The following DDX54 variants were observed in gnomAD, a reference collection of about 807,000 sequenced individuals.
DDX54 encodes ATP-dependent RNA helicase DDX54.
DDX54 carries 67 observed loss-of-function variants against 105.5 expected under a neutral mutation model. The observed-to-expected ratio is 0.64, with a 90% CI of 0.52 to 0.78. DDX54 has a LOEUF of 0.78. Among genes scored for constraint, DDX54 ranks in the 30% least tolerant of loss-of-function variants. The pLI is 0.00. For synonymous variants in DDX54, 514 were observed against 509.9 expected (o/e 1.01, Z -0.11); for missense variants, 1,206 against 1,230.5 (o/e 0.98, Z 0.30).
chr12:113,165,884 G>A lies in DDX54; in HGVS notation c.1563C>T (p.Arg521=). Reference sequence around the variant, plus strand: ...ACTCAGGCGAGGGCGCCGGGCGTGAGCGCACATACTGCTGCTGGGCGTTAT... The same window carrying A: ...ACTCAGGCGAGGGCGCCGGGCGTGAACGCACATACTGCTGCTGGGCGTTAT... ...VADNAQQQYV[R]SRPAPSPESI... The change falls in exon 13 of 20, where the codon CGC becomes CGT. Residue 521 remains arginine (R), a synonymous_variant. Coordinates refer to ENST00000306014, the MANE Select transcript of DDX54 (RefSeq NM_024072.4). 1 of 1,613,750 alleles carries A rather than the reference G, an allele frequency of 6.2e-7. No individual in the cohort carries two copies. Among genetic ancestry groups the A allele is most frequent in the Non-Finnish European group, 8.5e-7 (1 of 1,180,026 alleles).
At chr12:113,179,050 G>A in intron 4 of DDX54, 24 bp from the exon 5 acceptor site, 1 of 1,613,986 alleles carries the variant, frequency 6.2e-7, no homozygotes, top group Non-Finnish European at 8.5e-7. Context: ...GTGATTGAGA[G>A]AGGGCAGGGG....
intron 12 of DDX54, among the ~76,000 whole-genome samples, chr12:113,168,549 AG>A (rs1952301568): frequency 6.6e-6 from 1 of 152,222 alleles, no homozygotes. Context: ...CTGCAGGTGG[AG>A]GCCCATAGTT....
Position 113,161,319 on chromosome 12 carries a change from A to G in DDX54, c.2364T>C (p.Ser788=), listed in dbSNP as rs1348138937. 6.2e-7 allele frequency: 1 copy of G among 1,613,572 alleles called. No individual in the cohort carries two copies. The highest frequency in any genetic ancestry group is 8.5e-7 in the Non-Finnish European group (1 of 1,179,748). Residue 788 remains serine (S), a synonymous_variant, in exon 19 of 20, where the codon TCT becomes TCC. Transcript: ENST00000306014. ...DDRDSDEEGA[S]DRRGPERRGG... ...CTCTTCGCTCTGGGCCTCGCCGGTC[A>G]GATGCCCCTTCTTCGTCCGAGTCAC...
In DDX54 at chr12:113,179,017, A is replaced by G; in HGVS notation, c.574T>C (p.Phe192Leu). 6.2e-7 allele frequency: 1 copy of G among 1,614,124 alleles called. No individual in the cohort carries two copies. ...TLKFTKELGK[F>L]TGLKTALILG... ...ATCAGGGCAGTCTTGAGGCCAGTGAACTTGCCTAGCTGAGAAGAGAAAGTG... is the reference window on the plus strand; with the variant it reads ...ATCAGGGCAGTCTTGAGGCCAGTGAGCTTGCCTAGCTGAGAAGAGAAAGTG... Residue 192 changes from phenylalanine (F) to leucine (L), a missense_variant, in exon 5 of 20, where the codon TTC becomes CTC. Phe to Leu is a conservative substitution (Grantham distance 22, BLOSUM62 0). This residue lies in a region of DDX54 where 961 missense variants were observed against 1,019.1 expected (regional missense o/e 0.94). Coordinates refer to ENST00000306014, the MANE Select transcript of DDX54 (RefSeq NM_024072.4).
rs767646587 is a variant in DDX54 at position 113,174,856 on chromosome 12, G to T, written c.936+19C>A. On this transcript the variant is annotated intron_variant, in intron 9 of 19. Transcript: ENST00000306014. ...CCACCTGGACACAACCTCCTGGGAT[G>T]GGACAGGTGCAGCCTCACCTTCAGC... The T allele has an allele frequency of 1.9e-6, 3 of 1,614,168 alleles. No individual in the cohort carries two copies. Among genetic ancestry groups the T allele is most frequent in the Non-Finnish European group, 2.5e-6 (3 of 1,180,042 alleles).
At chr12:113,167,958 C>T (rs1468026693) in intron 12 of DDX54, 1 of 508,928 alleles carries the variant, frequency 2.0e-6, no homozygotes. Context: ...ACCTCCCTCC[C>T]TTGGCCCTTG....
At position 113,159,089 on chromosome 12, in the gene DDX54, G is replaced by A. The variant is rs761089016; in HGVS notation, c.2434C>T (p.Pro812Ser). ...CGGACTCGGCCTGCAGGGGTGCCTG[G>A]GGCGTGGGGCCGGGATGCACCTGCT... is the stretch of plus-strand genomic sequence containing the variant. ...RGQGASRPHA[P>S]GTPAGRVRPE... Residue 812 changes from proline to serine, a missense_variant, in exon 20 of 20, where the codon CCA becomes TCA. Pro to Ser is a moderately conservative substitution (Grantham distance 74, BLOSUM62 -1). This residue lies in a region of DDX54 where 961 missense variants were observed against 1,019.1 expected (regional missense o/e 0.94). Transcript: ENST00000306014. The A allele has an allele frequency of 3.1e-6, 5 of 1,603,528 alleles. No homozygotes were observed. The highest frequency in any genetic ancestry group is 4.3e-6 in the Non-Finnish European group (5 of 1,176,214).
chr12:113,185,193 C>A, intron 1 of DDX54, 85 bp downstream of exon 1: 1 of 1,412,386 alleles, frequency 7.1e-7, no homozygotes, highest in Non-Finnish European at 9.2e-7. Context: ...GGAGCCCAAT[C>A]CCCAGCTGGG....
chr12:113,184,081 G>A (rs1371024676), intron 1 of DDX54, among the ~76,000 whole-genome samples: 1 of 152,108 alleles, frequency 6.6e-6, no homozygotes, highest in Admixed American at 6.5e-5. Flanking sequence ...CGAGTAGCTG[G>A]GATTACAGGC....
rs1465480878 is a variant in DDX54 at position 113,179,339 on chromosome 12, G to A, written c.376-8C>T. 1 of 1,611,254 alleles carries A rather than the reference G, an allele frequency of 6.2e-7. No individual in the cohort carries two copies. The highest frequency in any genetic ancestry group is 1.3e-5 in the African/African-American group (1 of 74,904). On this transcript the variant is annotated splice_polypyrimidine_tract_variant and splice_region_variant and intron_variant, in intron 3 of 19. Coordinates refer to ENST00000306014, the MANE Select transcript of DDX54 (RefSeq NM_024072.4). Reference sequence around the variant, plus strand: ...CAAGATCACCGGGATGGTCTGGAGAGGCACAAGCAGGGAAGTCAAGGTCAG... The same window carrying A: ...CAAGATCACCGGGATGGTCTGGAGAAGCACAAGCAGGGAAGTCAAGGTCAG...
At chr12:113,161,452 C>G (rs1952204825) in intron 18 of DDX54, 70 bp from the exon 19 acceptor site, 2 of 1,255,162 alleles carry the variant, frequency 1.6e-6, no homozygotes, top group African/African-American at 2.9e-5. Context: ...CACACTGCCC[C>G]AGCAGACAGA....
At chr12:113,183,046 C>CAG (rs75598453) in intron 1 of DDX54, among the ~76,000 whole-genome samples, 15,444 of 152,038 alleles carry the variant, frequency 0.1, 903 homozygotes, top group East Asian at 0.21. Flanking sequence ...TTTGTAGATG[C>CAG]AGTCTCGCCA....
chr12:113,173,088 C>T (rs923484989), intron 10 of DDX54, among the ~76,000 whole-genome samples: 109 of 152,270 alleles, frequency 7.2e-4, no homozygotes, highest in African/African-American at 2.6e-3. Context: ...CGCCTGTAAT[C>T]CAGCATTTCG....
chr12:113,163,169 T>G lies in DDX54; in HGVS notation c.2044A>C (p.Ile682Leu), dbSNP rs779257909. ...EARQRDQEFY[I>L]PYRPKDFDSE... is the part of the protein sequence containing the mutation. ...TCAAAGTCCTTGGGCCGGTAGGGGATGTAGAATTCCTGGTCCCGCTGCCGG... is the reference window on the plus strand; with the variant it reads ...TCAAAGTCCTTGGGCCGGTAGGGGAGGTAGAATTCCTGGTCCCGCTGCCGG... Residue 682 changes from isoleucine to leucine, a missense_variant, in exon 16 of 20, where the codon ATC becomes CTC. Coordinates refer to ENST00000306014, the MANE Select transcript of DDX54 (RefSeq NM_024072.4). The surrounding 1 kb of genome is among the most constrained non-coding windows in gnomAD (Gnocchi z 5.9). The G allele has an allele frequency of 9.9e-6, 16 of 1,613,010 alleles. No homozygotes were observed. The highest frequency in any genetic ancestry group is 1.3e-5 in the African/African-American group (1 of 74,898).
intron 18 of DDX54, 145 bp downstream of exon 18, chr12:113,161,748 T>A: frequency 3.9e-6 from 2 of 514,962 alleles, no homozygotes; most frequent in Middle Eastern, 6.1e-4. Context: ...CCAGGTCCCA[T>A]CTATTGGAGA....
intron 7 of DDX54, among the ~76,000 whole-genome samples, chr12:113,176,160 G>A (rs1952401047): frequency 6.6e-6 from 1 of 152,318 alleles, no homozygotes; most frequent in East Asian, 1.9e-4. Context: ...GAGATGTCCA[G>A]TGATTGCCCA....
chr12:113,183,813 G>A (rs1952493205), intron 1 of DDX54: 1 of 150,564 alleles, frequency 6.6e-6, no homozygotes, highest in Admixed American at 6.6e-5. Context: ...TGGAGACAGA[G>A]TCTTGCTCTG....
chr12:113,159,308 C>T (rs1952177083), intron 19 of DDX54, 199 bp from the exon 20 acceptor site: 1 of 585,748 alleles, frequency 1.7e-6, no homozygotes. Context: ...GCCAGAACCG[C>T]TGGGGTTCAA....
intron 17 of DDX54, 33 bp from the exon 18 acceptor site, chr12:113,162,030 G>T: frequency 1.2e-6 from 2 of 1,605,384 alleles, no homozygotes; most frequent in Non-Finnish European, 8.5e-7. Context: ...GGCTGCCGTG[G>T]AGGGAAACCC....
Sources: gnomAD v4.1 joint callset for allele counts (sites outside exome capture counted in the v4.1 genomes callset) on GRCh38, gnomAD v4.1.1 for gene constraint, gnomAD v4.1.1 regional missense constraint, Gnocchi (gnomAD v3.1) non-coding constraint, MANE v1.5 for transcripts, NCBI Gene and HGNC (gene_info 2026-07-23, HGNC 2026-07-21) for gene names.